The following ST8SIA2 variants were observed in gnomAD, a reference collection of about 807,000 sequenced individuals.
ST8SIA2 encodes the protein alpha-2,8-sialyltransferase 8B.
A neutral mutation model predicts 37.6 loss-of-function variants in ST8SIA2; 22 were observed. The observed-to-expected ratio is 0.58, with a 90% confidence interval of 0.42 to 0.83. ST8SIA2 has a LOEUF of 0.83. Ranked by LOEUF, ST8SIA2 falls within the 40% of genes least tolerant of loss-of-function variation. The pLI is 0.00. For synonymous variants in ST8SIA2, 205 were observed against 201.2 expected (o/e 1.02, Z -0.16); for missense variants, 382 against 484.7 (o/e 0.79, Z 1.99).
At chr15:92,413,400 T>A (rs2049564091) in intron 1 of ST8SIA2, among the ~76,000 whole-genome samples, 1 of 152,230 alleles carries the variant, frequency 6.6e-6, no homozygotes, top group African/African-American at 2.4e-5. Context: ...CTGAATATTC[T>A]GCGAGTTAAG....
In ST8SIA2 at chr15:92,462,438, A is replaced by C. The variant is rs553974769; in HGVS notation, c.843-1662A>C. 3.0e-4 allele frequency among the ~76,000 whole-genome samples: 46 copies of C among 152,324 alleles called. No individual in the cohort carries two copies. The South Asian group carries it at 9.6e-3, about 32-fold the overall frequency. Reference sequence around the variant, plus strand: ...TGGGTTTCCTTTTATGAGCTGCAAAAGGAACAATTTTGCAAAAATAAAGAA... The same window carrying C: ...TGGGTTTCCTTTTATGAGCTGCAAACGGAACAATTTTGCAAAAATAAAGAA... On this transcript the variant is annotated intron_variant, in intron 5 of 5. Transcript: ENST00000268164.
intron 1 of ST8SIA2, among the ~76,000 whole-genome samples, chr15:92,416,093 G>A (rs1226161878): frequency 6.6e-6 from 1 of 151,986 alleles, no homozygotes; most frequent in Non-Finnish European, 1.5e-5. Context: ...TGTGTAGGGA[G>A]GGCTGGCAGA....
chr15:92,466,241 A>G lies in ST8SIA2; in HGVS notation c.*1856A>G, dbSNP rs774195717. 6 of 152,248 alleles carry G rather than the reference A, an allele frequency of 3.9e-5. No homozygotes were observed. Among genetic ancestry groups the G allele is most frequent in the South Asian group, 2.1e-4 (1 of 4,830 alleles). The allele number at this position is 152,248 out of a possible 1,614,324, so 9.4% of individuals were successfully genotyped here. On this transcript the variant is annotated 3_prime_UTR_variant, in exon 6 of 6. Transcript: ENST00000268164. The stretch of plus-strand genomic sequence containing the variant: ...GCGTTATAAAATGAATATTTTAAAA[A>G]GCAACAGCCCTAATAGCCTCTGTGG...
At chr15:92,419,745 C>G (rs1240180556) in intron 1 of ST8SIA2, among the ~76,000 whole-genome samples, 1 of 152,174 alleles carries the variant, frequency 6.6e-6, no homozygotes, top group Non-Finnish European at 1.5e-5. Flanking sequence ...TTCACTAGGT[C>G]CAGTTCAACC....
intron 1 of ST8SIA2, among the ~76,000 whole-genome samples, chr15:92,395,547 T>G (rs763219842): frequency 3.0e-4 from 46 of 152,208 alleles, no homozygotes; most frequent in Non-Finnish European, 5.1e-4. Context: ...CCTCTCATTC[T>G]CGGTTTCCCC....
intron 2 of ST8SIA2, among the ~76,000 whole-genome samples, 157 bp from the exon 3 acceptor site, chr15:92,434,090 A>G (rs1393907457): frequency 6.6e-6 from 1 of 152,214 alleles, no homozygotes; most frequent in African/African-American, 2.4e-5. Flanking sequence ...GCATTACTGG[A>G]AGATAAATAG....
chr15:92,430,008 T>G, intron 1 of ST8SIA2, 41 bp from the exon 2 acceptor site: 254 of 1,608,148 alleles, frequency 1.6e-4, no homozygotes, highest in Non-Finnish European at 2.0e-4. Context: ...TTTGCAAAGA[T>G]GAGCTGGGTT....
At chr15:92,462,891 A>G (rs1330421628) in intron 5 of ST8SIA2, among the ~76,000 whole-genome samples, 1 of 152,246 alleles carries the variant, frequency 6.6e-6, no homozygotes, top group Non-Finnish European at 1.5e-5. Flanking sequence ...TGAGTCCCAG[A>G]GGGAGAATAA....
intron 1 of ST8SIA2, among the ~76,000 whole-genome samples, chr15:92,404,250 A>C (rs2049491430): frequency 1.3e-5 from 2 of 152,086 alleles, no homozygotes. Context: ...ACTGAGAGCT[A>C]CTCTTGGAAG....
At position 92,430,259 on chromosome 15, in the gene ST8SIA2, G is replaced by T. The variant is rs569684254; in HGVS notation, c.161+148G>T. 228 of 823,038 alleles carry T rather than the reference G, an allele frequency of 2.8e-4. 1 individual carries two copies. Among genetic ancestry groups the T allele is most frequent in the Non-Finnish European group, 3.9e-4 (196 of 500,166 alleles). The allele number at this position is 823,038 out of a possible 1,614,324, so 51.0% of individuals were successfully genotyped here. On this transcript the variant is annotated intron_variant, in intron 2 of 5. Coordinates refer to ENST00000268164, the MANE Select transcript of ST8SIA2 (RefSeq NM_006011.4). The stretch of plus-strand genomic sequence containing the variant: ...CTTTGCATTTCCCTAATCACTTTTG[G>T]GGGGAGCTGTCAATGGAAGATCACA...
chr15:92,445,047 G>A, intron 5 of ST8SIA2, 118 bp downstream of exon 5: 2 of 1,443,876 alleles, frequency 1.4e-6, no homozygotes, highest in Non-Finnish European at 1.9e-6. Flanking sequence ...TTGCTGGATG[G>A]CCTCAGCAAG....
chr15:92,420,750 G>A (rs1201349274), intron 1 of ST8SIA2: 1 of 152,230 alleles, frequency 6.6e-6, no homozygotes, highest in Non-Finnish European at 1.5e-5. Flanking sequence ...AACACCCTCA[G>A]ACGCCCAATA....
At chr15:92,397,485 A>G (rs1457627982) in intron 1 of ST8SIA2, among the ~76,000 whole-genome samples, 1 of 152,206 alleles carries the variant, frequency 6.6e-6, no homozygotes, top group Non-Finnish European at 1.5e-5. Context: ...AAAATGTAGA[A>G]AGATAAGTTC....
intron 1 of ST8SIA2, among the ~76,000 whole-genome samples, chr15:92,427,882 C>T (rs1194796196): frequency 6.6e-6 from 1 of 152,198 alleles, no homozygotes; most frequent in Non-Finnish European, 1.5e-5. Context: ...TATTTGGAGG[C>T]TGAGGCACGA....
At chr15:92,455,918 T>C (rs1409876413) in intron 5 of ST8SIA2, among the ~76,000 whole-genome samples, 1 of 152,214 alleles carries the variant, frequency 6.6e-6, no homozygotes, top group Non-Finnish European at 1.5e-5. Context: ...CACCAATGGG[T>C]GTATTATCAA....
intron 1 of ST8SIA2, among the ~76,000 whole-genome samples, chr15:92,396,785 G>A (rs1378008766): frequency 2.0e-5 from 3 of 152,128 alleles, no homozygotes; most frequent in Admixed American, 1.3e-4. Context: ...CACCCCTCCC[G>A]GCACAAGTGA....
At chr15:92,460,350 T>C (rs925465201) in intron 5 of ST8SIA2, among the ~76,000 whole-genome samples, 4 of 152,178 alleles carry the variant, frequency 2.6e-5, no homozygotes, top group African/African-American at 9.7e-5. Context: ...ATGATTCCAG[T>C]ATGTGGCGTA....
intron 1 of ST8SIA2, among the ~76,000 whole-genome samples, chr15:92,416,252 G>C (rs1257289519): frequency 6.6e-6 from 1 of 151,590 alleles, no homozygotes; most frequent in Non-Finnish European, 1.5e-5. Flanking sequence ...TGTGGTGAGG[G>C]AGAGTGGGGA....
intron 5 of ST8SIA2, among the ~76,000 whole-genome samples, chr15:92,461,267 C>T (rs2049955450): frequency 6.6e-6 from 1 of 152,092 alleles, no homozygotes. Flanking sequence ...GGACTGGTAC[C>T]ACCCCGCCCC....
Sources: gnomAD v4.1 joint callset for allele counts (sites outside exome capture counted in the v4.1 genomes callset) on GRCh38, gnomAD v4.1.1 for gene constraint, MANE v1.5 for transcripts, NCBI Gene and HGNC (gene_info 2026-07-23, HGNC 2026-07-21) for gene names.